Variants in CLDN12 observed in about 807,000 individuals in gnomAD.
CLDN12 encodes claudin-12.
A neutral mutation model predicts 15.5 loss-of-function variants in CLDN12; 9 were observed. The ratio of observed to expected loss-of-function variants is 0.58; its 90% confidence interval spans 0.35 to 1.02. The LOEUF is 1.02. Among genes scored for constraint, CLDN12 ranks in the 50% least tolerant of loss-of-function variants. The pLI is 0.02. For missense variants in CLDN12, 233 were observed against 297.3 expected (o/e 0.78, Z 1.59); for synonymous variants, 140 against 121.6 (o/e 1.15, Z -1.00).
In CLDN12 at chr7:90,412,928, T is replaced by G; in HGVS notation, c.252T>G (p.Arg84=). The G allele has an allele frequency of 6.2e-7, 1 of 1,614,218 alleles. No homozygotes were observed. The highest frequency in any genetic ancestry group is 8.5e-7 in the Non-Finnish European group (1 of 1,180,052). ...CATCAGTTGACCAGCTGGACCTGCGTGTCCTCCAGTTTGCCCTACCCCTCA... is the reference window on the plus strand; with the variant it reads ...CATCAGTTGACCAGCTGGACCTGCGGGTCCTCCAGTTTGCCCTACCCCTCA... ...WYSSVDQLDL[R]VLQFALPLSM... Residue 84 remains arginine, a synonymous_variant, in exon 4 of 4, where the codon CGT becomes CGG. Coordinates refer to ENST00000496677, the MANE Select transcript of CLDN12 (RefSeq NM_001185072.3).
At chr7:90,404,695 C>T (rs1033422268) in intron 1 of CLDN12, among the ~76,000 whole-genome samples, 2 of 152,056 alleles carry the variant, frequency 1.3e-5, no homozygotes, top group African/African-American at 4.8e-5. Context: ...TCACCGTAGT[C>T]ATGAAAATGA....
Position 90,413,066 on chromosome 7 carries a change from A to G in CLDN12, c.390A>G (p.Ala130=). The G allele has an allele frequency of 6.2e-7, 1 of 1,614,214 alleles. No individual in the cohort carries two copies. Among genetic ancestry groups the G allele is most frequent in the Non-Finnish European group, 8.5e-7 (1 of 1,180,032 alleles). ...IKLAKCLVNS[A]GCHLVAGLLF... ...TGGCCAAGTGTCTGGTCAATAGTGCAGGTTGCCACCTGGTGGCTGGGCTGC... is the reference window on the plus strand; with the variant it reads ...TGGCCAAGTGTCTGGTCAATAGTGCGGGTTGCCACCTGGTGGCTGGGCTGC... Residue 130 remains alanine, a synonymous_variant, in exon 4 of 4, where the codon GCA becomes GCG. Coordinates refer to ENST00000496677, the MANE Select transcript of CLDN12 (RefSeq NM_001185072.3).
intron 1 of CLDN12, among the ~76,000 whole-genome samples, chr7:90,404,842 T>C (rs1796802571): frequency 6.6e-6 from 1 of 152,036 alleles, no homozygotes; most frequent in Non-Finnish European, 1.5e-5. Context: ...CTATATTCTA[T>C]ATATTTCTCA....
rs1281762078 is a variant in CLDN12 at position 90,413,062 on chromosome 7, G to T, written c.386G>T (p.Ser129Ile). The T allele has an allele frequency of 1.9e-6, 3 of 1,614,090 alleles. No individual in the cohort carries two copies. Among genetic ancestry groups the T allele is most frequent in the Non-Finnish European group, 1.7e-6 (2 of 1,180,050 alleles). The change falls in exon 4 of 4, where the codon AGT (serine) becomes ATT (isoleucine). Residue 129 changes from serine (S) to isoleucine (I), a missense_variant. Coordinates refer to ENST00000496677, the MANE Select transcript of CLDN12 (RefSeq NM_001185072.3). Reference protein sequence around the residue: ...NIKLAKCLVNSAGCHLVAGLL... With the variant: ...NIKLAKCLVNIAGCHLVAGLL... Reference sequence around the variant, plus strand: ...AAACTGGCCAAGTGTCTGGTCAATAGTGCAGGTTGCCACCTGGTGGCTGGG... The same window carrying T: ...AAACTGGCCAAGTGTCTGGTCAATATTGCAGGTTGCCACCTGGTGGCTGGG...
At chr7:90,403,783 C>A (rs1158779219) in intron 1 of CLDN12, 1 of 151,902 alleles carries the variant, frequency 6.6e-6, no homozygotes, top group Non-Finnish European at 1.5e-5. Flanking sequence ...GCTTTGCTGG[C>A]GCGGGTTTGT....
chr7:90,412,132 C>G (rs1213392905), intron 3 of CLDN12, 83 bp downstream of exon 3: 1 of 155,040 alleles, frequency 6.4e-6, no homozygotes, highest in African/African-American at 2.4e-5. Flanking sequence ...TTCCCCTGTC[C>G]TGTACTGCTT....
At chr7:90,412,159 G>T in intron 3 of CLDN12, 110 bp downstream of exon 3, 1 of 158,266 alleles carries the variant, frequency 6.3e-6, no homozygotes, top group Non-Finnish European at 1.4e-5. Flanking sequence ...CTACACCTTT[G>T]CTTTTTATGA....
chr7:90,410,774 A>T (rs1796942314), intron 2 of CLDN12, among the ~76,000 whole-genome samples: 1 of 152,142 alleles, frequency 6.6e-6, no homozygotes, highest in South Asian at 2.1e-4. Context: ...ACGCTGGTGG[A>T]TTGCTTGAGC....
rs775812755 is a variant in CLDN12 at position 90,412,635 on chromosome 7, AC to A, written c.-33-4del. ...CTCATGATTTGTCCTCTTGTGTGTCACCCCCTAGTCTGACTGACAGTACTCC... is the reference window on the plus strand; with the variant it reads ...CTCATGATTTGTCCTCTTGTGTGTCACCCCTAGTCTGACTGACAGTACTCC... On this transcript the variant is annotated splice_region_variant and splice_polypyrimidine_tract_variant and intron_variant, in intron 3 of 3. Transcript: ENST00000496677. The A allele has an allele frequency of 1.2e-5, 19 of 1,577,868 alleles. No homozygotes were observed. The East Asian group carries it at 4.3e-4, about 35-fold the overall frequency.
At chr7:90,411,605 G>A (rs1383436525) in intron 2 of CLDN12, among the ~76,000 whole-genome samples, 3 of 151,460 alleles carry the variant, frequency 2.0e-5, no homozygotes, top group South Asian at 4.2e-4. Flanking sequence ...AGATTTCCCT[G>A]AAAATCTACA....
At chr7:90,410,294 T>C (rs1402471682) in intron 2 of CLDN12, among the ~76,000 whole-genome samples, 1 of 152,136 alleles carries the variant, frequency 6.6e-6, no homozygotes, top group Non-Finnish European at 1.5e-5. Flanking sequence ...GTAATTAGTC[T>C]CTCCCTTTCA....
chr7:90,405,791 C>G (rs1294675727), intron 2 of CLDN12, 183 bp downstream of exon 2: 2 of 152,140 alleles, frequency 1.3e-5, no homozygotes, highest in African/African-American at 4.8e-5. Context: ...AAGGAACTCT[C>G]AATGTTACCA....
In CLDN12 at chr7:90,414,532, C is replaced by A; in HGVS notation, c.*1121C>A. On this transcript the variant is annotated 3_prime_UTR_variant, in exon 4 of 4. Coordinates refer to ENST00000496677, the MANE Select transcript of CLDN12 (RefSeq NM_001185072.3). ...TAGAGAAGATCAAAATGTTACCTGG[C>A]AGTTGGGGAATAATCTGACTTCGTT... 2.6e-6 allele frequency: 1 copy of A among 385,704 alleles called. No individual in the cohort carries two copies. The highest frequency in any genetic ancestry group is 3.7e-6 in the Non-Finnish European group (1 of 268,272). The allele number at this position is 385,704 out of a possible 1,614,324, so 23.9% of individuals were successfully genotyped here. A position where few individuals can be genotyped will look rare whatever the true frequency, so the allele number is the denominator to read the frequency against.
At position 90,412,684 on chromosome 7, in the gene CLDN12, G is replaced by T; in HGVS notation, c.8G>T (p.Cys3Phe). The T allele has an allele frequency of 6.2e-7, 1 of 1,612,088 alleles. No homozygotes were observed. The highest frequency in any genetic ancestry group is 8.5e-7 in the Non-Finnish European group (1 of 1,179,000). ...TCCACAAGCTTGCCTGCCATGGGCT[G>T]TCGGGATGTCCACGCAGCCACAGTC... MG[C>F]RDVHAATVLS... Residue 3 changes from cysteine to phenylalanine, a missense_variant, in exon 4 of 4, where the codon TGT becomes TTT. Transcript: ENST00000496677.
Position 90,413,634 on chromosome 7 carries a change from G to A in CLDN12, c.*223G>A. The A allele has an allele frequency of 7.6e-7, 1 of 1,311,060 alleles. No individual in the cohort carries two copies. The allele number at this position is 1,311,060 out of a possible 1,614,324, so 81.2% of individuals were successfully genotyped here. The stretch of plus-strand genomic sequence containing the variant: ...GCTTCTTATACTGGAAGGAATTTTA[G>A]CCTTCATATTGATATCTAATTAATT... On this transcript the variant is annotated 3_prime_UTR_variant, in exon 4 of 4. Coordinates refer to ENST00000496677, the MANE Select transcript of CLDN12 (RefSeq NM_001185072.3).
chr7:90,415,788 G>T lies in CLDN12; in HGVS notation c.*2377G>T, dbSNP rs888211500. On this transcript the variant is annotated 3_prime_UTR_variant, in exon 4 of 4. Coordinates refer to ENST00000496677, the MANE Select transcript of CLDN12 (RefSeq NM_001185072.3). Reference sequence around the variant, plus strand: ...TTGGAAAACAACCTTAAATGTGGATGTATCAGATTTGGTTTATCCAGCCAT... The same window carrying T: ...TTGGAAAACAACCTTAAATGTGGATTTATCAGATTTGGTTTATCCAGCCAT... 1.2e-5 allele frequency: 2 copies of T among 167,014 alleles called. No homozygotes were observed. Among genetic ancestry groups the T allele is most frequent in the African/African-American group, 4.8e-5 (2 of 41,424 alleles). The allele number at this position is 167,014 out of a possible 1,614,324, so 10.3% of individuals were successfully genotyped here. A position where few individuals can be genotyped will look rare whatever the true frequency, so the allele number is the denominator to read the frequency against.
At chr7:90,404,962 G>T (rs1796806200) in intron 1 of CLDN12, among the ~76,000 whole-genome samples, 2 of 150,802 alleles carry the variant, frequency 1.3e-5, no homozygotes, top group Non-Finnish European at 2.9e-5. Context: ...GCATGATCAT[G>T]ACTCACTGTG....
intron 2 of CLDN12, among the ~76,000 whole-genome samples, chr7:90,410,656 G>A (rs1405560036): frequency 1.3e-5 from 2 of 151,716 alleles, no homozygotes; most frequent in African/African-American, 4.8e-5. Flanking sequence ...GGCCAACATG[G>A]TGAAACCATG....
rs746285653 is a variant in CLDN12, at chr7:90,413,219, T to C, written c.543T>C (p.Ser181=). 1 of 1,614,212 alleles carries C rather than the reference T, an allele frequency of 6.2e-7. No homozygotes were observed. The highest frequency in any genetic ancestry group is 8.5e-7 in the Non-Finnish European group (1 of 1,180,024). The change falls in exon 4 of 4, where the codon AGT becomes AGC. Residue 181 remains serine (S), a synonymous_variant. Coordinates refer to ENST00000496677, the MANE Select transcript of CLDN12 (RefSeq NM_001185072.3). ...FDYAVYVTIA[S]AGGLFMTSLI... ...ATGCAGTGTATGTCACTATTGCTAG[T>C]GCTGGGGGCCTGTTTATGACTTCCC...
Sources: gnomAD v4.1 joint callset for allele counts (sites outside exome capture counted in the v4.1 genomes callset) on GRCh38, gnomAD v4.1.1 for gene constraint, MANE v1.5 for transcripts, NCBI Gene and HGNC (gene_info 2026-07-23, HGNC 2026-07-21) for gene names.